SUPT3H: variants seen among roughly 807,000 people sequenced by gnomAD.
The protein encoded by SUPT3H is transcription initiation protein SPT3 homolog.
A neutral mutation model predicts 44.3 loss-of-function variants in SUPT3H; 44 were observed. That is an observed-to-expected ratio of 0.99 (90% CI 0.78 to 1.28). SUPT3H has a LOEUF of 1.28. Ranked by LOEUF, SUPT3H falls within the 50% of genes most tolerant of loss-of-function variation. The pLI is 0.00. For synonymous variants in SUPT3H, 124 were observed against 125.6 expected (o/e 0.99, Z 0.09); for missense variants, 380 against 387.1 (o/e 0.98, Z 0.15).
At chr6:44,901,371 C>T (rs894004608) in intron 10 of SUPT3H, among the ~76,000 whole-genome samples, 7 of 152,140 alleles carry the variant, frequency 4.6e-5, no homozygotes, top group South Asian at 2.1e-4. Flanking sequence ...AACTACGTGA[C>T]GAATGCACAA....
intron 1 of SUPT3H, chr6:45,371,904 C>T: frequency 5.5e-6 from 5 of 903,204 alleles, no homozygotes; most frequent in Non-Finnish European, 6.6e-6. Flanking sequence ...GAACTGAAGT[C>T]CAGAGGGGTT....
intron 2 of SUPT3H, among the ~76,000 whole-genome samples, chr6:45,209,745 A>C (rs2093903): frequency 0.4 from 60,767 of 152,100 alleles, 12,547 homozygotes; most frequent in East Asian, 0.71. Context: ...ACTGAATCCA[A>C]TTTTGAGAGA....
At chr6:44,837,136 G>C (rs1379536779) in intron 10 of SUPT3H, among the ~76,000 whole-genome samples, 1 of 152,030 alleles carries the variant, frequency 6.6e-6, no homozygotes, top group Non-Finnish European at 1.5e-5. Context: ...AGACAATACT[G>C]ATACAAGATA....
At chr6:45,264,122 A>T (rs1209243647) in intron 2 of SUPT3H, among the ~76,000 whole-genome samples, 3 of 152,206 alleles carry the variant, frequency 2.0e-5, no homozygotes, top group Non-Finnish European at 2.9e-5. Context: ...ATTAGCTATG[A>T]ATTAATTAAT....
chr6:45,338,145 T>C (rs999531028), intron 2 of SUPT3H, among the ~76,000 whole-genome samples: 1 of 152,010 alleles, frequency 6.6e-6, no homozygotes, highest in Non-Finnish European at 1.5e-5. Context: ...TTTCTGTAAG[T>C]TGTACTTTAC....
At chr6:45,074,412 T>G (rs545270174) in intron 3 of SUPT3H, among the ~76,000 whole-genome samples, 16 of 151,880 alleles carry the variant, frequency 1.1e-4, no homozygotes, top group Admixed American at 1.1e-3. Flanking sequence ...AAAGTTTGAA[T>G]AGACACACCA....
intron 2 of SUPT3H, among the ~76,000 whole-genome samples, chr6:45,241,821 T>C (rs950247300): frequency 3.9e-5 from 6 of 151,954 alleles, no homozygotes; most frequent in African/African-American, 9.7e-5. Flanking sequence ...AAACTACTAG[T>C]TTAAAGAGAA....
Position 45,312,027 on chromosome 6 carries a change from A to G in SUPT3H, c.101+53174T>C, listed in dbSNP as rs1436542558. Among the ~76,000 whole-genome samples the G allele has an allele frequency of 5.3e-5, 8 of 152,332 alleles. 1 individual carries two copies. The South Asian group carries it at 1.4e-3, about 28-fold the overall frequency. ...CCTAAATGCTCCACTTATAACATAC[A>G]GAATTGCAGAATAGGTAAGAACTCA... On this transcript the variant is annotated intron_variant, in intron 2 of 10. Transcript: ENST00000371459.
chr6:45,183,015 G>A (rs191364967), intron 2 of SUPT3H, among the ~76,000 whole-genome samples: 1 of 152,328 alleles, frequency 6.6e-6, no homozygotes, highest in African/African-American at 2.4e-5. Context: ...ATGGGTATTT[G>A]TATATCAATG....
intron 2 of SUPT3H, among the ~76,000 whole-genome samples, chr6:45,220,212 T>A (rs1765803636): frequency 6.6e-6 from 1 of 151,892 alleles, no homozygotes; most frequent in African/African-American, 2.4e-5. Context: ...ATAAAATACC[T>A]ACACAAAAAT....
chr6:45,010,307 T>G (rs1783298125), intron 5 of SUPT3H, among the ~76,000 whole-genome samples: 1 of 152,136 alleles, frequency 6.6e-6, no homozygotes, highest in Non-Finnish European at 1.5e-5. Context: ...TCTTTTTTTC[T>G]AATCTGGATG....
chr6:45,106,095 G>C (rs1421861191), intron 2 of SUPT3H, 89 bp from the exon 3 acceptor site: 1 of 1,089,226 alleles, frequency 9.2e-7, no homozygotes, highest in Admixed American at 1.8e-5. Flanking sequence ...AATCAGTTTA[G>C]TAAGGAGAAC....
chr6:45,062,360 A>G (rs1265043827), intron 3 of SUPT3H, among the ~76,000 whole-genome samples: 3 of 152,192 alleles, frequency 2.0e-5, no homozygotes. Context: ...TCATAAAATT[A>G]TAATTCTGAG....
intron 2 of SUPT3H, among the ~76,000 whole-genome samples, chr6:45,348,173 A>G (rs1034203330): frequency 6.6e-6 from 1 of 152,138 alleles, no homozygotes; most frequent in Non-Finnish European, 1.5e-5. Context: ...TTTAATAATT[A>G]AGAAAATAAG....
chr6:45,254,555 T>G (rs1773009541), intron 2 of SUPT3H, among the ~76,000 whole-genome samples: 1 of 152,212 alleles, frequency 6.6e-6, no homozygotes, highest in African/African-American at 2.4e-5. Context: ...AGTGACAGTT[T>G]TATTGTTCTG....
At chr6:45,236,203 T>C (rs1474300574) in intron 2 of SUPT3H, among the ~76,000 whole-genome samples, 1 of 152,098 alleles carries the variant, frequency 6.6e-6, no homozygotes, top group East Asian at 1.9e-4. Flanking sequence ...CGCTGCTGGG[T>C]TAGGGTCTCC....
At chr6:45,123,901 T>A (rs764086497) in intron 2 of SUPT3H, among the ~76,000 whole-genome samples, 1 of 152,180 alleles carries the variant, frequency 6.6e-6, no homozygotes, top group Non-Finnish European at 1.5e-5. Context: ...AAGTGCTACA[T>A]CTCATGAAAT....
intron 2 of SUPT3H, among the ~76,000 whole-genome samples, chr6:45,242,068 G>A (rs1770456094): frequency 6.6e-6 from 1 of 152,242 alleles, no homozygotes; most frequent in Middle Eastern, 3.4e-3. Flanking sequence ...GGAAACTACA[G>A]AGCAAATTTA....
At chr6:45,204,007 G>A (rs1373066260) in intron 2 of SUPT3H, among the ~76,000 whole-genome samples, 1 of 152,100 alleles carries the variant, frequency 6.6e-6, no homozygotes, top group Non-Finnish European at 1.5e-5. Context: ...CAGCACTTTG[G>A]GAGGCCGAAG....
Sources: gnomAD v4.1 joint callset for allele counts (sites outside exome capture counted in the v4.1 genomes callset) on GRCh38, gnomAD v4.1.1 for gene constraint, MANE v1.5 for transcripts, NCBI Gene and HGNC (gene_info 2026-07-23, HGNC 2026-07-21) for gene names.